Variants in PRPF40B observed in about 807,000 individuals in gnomAD.
The protein encoded by PRPF40B is pre-mRNA processing factor 40B.
Under a neutral mutation model 124.5 loss-of-function variants are expected in PRPF40B, and 56 were observed. The observed-to-expected ratio is 0.45, with a 90% CI of 0.36 to 0.56. The LOEUF (loss-of-function observed/expected upper bound fraction) is 0.56. PRPF40B is among the 20% of genes least tolerant of loss of function. The probability of loss-of-function intolerance (pLI) is 0.00; values close to 1 mark genes in which losing one functional copy is unlikely to be tolerated. For missense variants in PRPF40B, 1,053 were observed against 1,169.5 expected (o/e 0.90, Z 1.45); for synonymous variants, 443 against 426.4 (o/e 1.04, Z -0.48).
At chr12:49,630,886 G>T (rs1163558171) in intron 2 of PRPF40B, among the ~76,000 whole-genome samples, 1 of 152,204 alleles carries the variant, frequency 6.6e-6, no homozygotes, top group Non-Finnish European at 1.5e-5. Flanking sequence ...GAAGGGAAAA[G>T]ACCCCATTAA....
chr12:49,634,982 C>A, intron 12 of PRPF40B, 117 bp from the exon 13 acceptor site: 1 of 1,081,026 alleles, frequency 9.3e-7, no homozygotes, highest in Non-Finnish European at 1.3e-6. Context: ...AGATCCCAGA[C>A]ATCTGTGCCC....
intron 1 of PRPF40B, chr12:49,624,044 T>C (rs887173664): frequency 5.0e-6 from 5 of 993,684 alleles, no homozygotes; most frequent in Non-Finnish European, 6.0e-6. Context: ...CTCAGACCAC[T>C]TGGGGACTCC....
chr12:49,630,713 A>G (rs1037462010), intron 2 of PRPF40B, 88 bp downstream of exon 2: 3 of 656,326 alleles, frequency 4.6e-6, no homozygotes, highest in Non-Finnish European at 8.4e-6. Flanking sequence ...TCACCAGCAC[A>G]GTTTTCCTGT....
chr12:49,642,844 G>A lies in PRPF40B; in HGVS notation c.2119-86G>A. The A allele has an allele frequency of 6.7e-7, 1 of 1,486,592 alleles. No homozygotes were observed. Among genetic ancestry groups the A allele is most frequent in the Non-Finnish European group, 9.2e-7 (1 of 1,088,848 alleles). 92.1% of individuals were successfully genotyped at this position (1,486,592 alleles called of 1,614,324 possible). A position where few individuals can be genotyped will look rare whatever the true frequency, so the allele number is the denominator to read the frequency against. On this transcript the variant is annotated intron_variant, in intron 21 of 25. Coordinates refer to ENST00000548825, the MANE Select transcript of PRPF40B (RefSeq NM_001031698.3). This position sits in a 1 kb window ranked among gnomAD's most constrained non-coding sequence, Gnocchi z 5.8. ...GCAGAAGGCTCTAGTCTGAGAAAGG[G>A]AGGCAAAGCCAGATTTTAGGAAGTA...
Position 49,635,980 on chromosome 12 carries a change from C to A in PRPF40B, c.1413C>A (p.Asp471Glu). 6.2e-7 allele frequency: 1 copy of A among 1,614,126 alleles called. No homozygotes were observed. Among genetic ancestry groups the A allele is most frequent in the Non-Finnish European group, 8.5e-7 (1 of 1,179,996 alleles). ...TGGATAACCCCAGCTTTGCTCAGGA[C>A]CATCAGCTGCAGAGTAAGCCTGGGC... ...YLMDNPSFAQ[D>E]HQLQNMDKED... is the part of the protein sequence containing the mutation. Residue 471 changes from aspartate to glutamate, a missense_variant, in exon 15 of 26, where the codon GAC becomes GAA. By Grantham distance (45) the Asp-to-Glu change is conservative (BLOSUM62 2). Coordinates refer to ENST00000548825, the MANE Select transcript of PRPF40B (RefSeq NM_001031698.3). The surrounding 1 kb of genome is among the most constrained non-coding windows in gnomAD (Gnocchi z 4.1).
Position 49,633,526 on chromosome 12 carries a change from A to G in PRPF40B, c.559A>G (p.Lys187Glu), listed in dbSNP as rs766132488. Reference sequence around the variant, plus strand: ...TAAAGAGTCCCGCTGGACCCGGCCCAAGGATCTGGATGACCTAGAGGGTGA... The same window carrying G: ...TAAAGAGTCCCGCTGGACCCGGCCCGAGGATCTGGATGACCTAGAGGGTGA... ...QSKESRWTRP[K>E]DLDDLEVLVK... Residue 187 changes from lysine (K) to glutamate (E), a missense_variant, in exon 8 of 26, where the codon AAG becomes GAG. By Grantham distance (56) the Lys-to-Glu change is moderately conservative. Around this residue, in one of 2 missense-constraint regions of PRPF40B, gnomAD observed 895 missense variants for 1,052.2 expected, o/e 0.85. Transcript: ENST00000548825. 4 of 1,614,090 alleles carry G rather than the reference A, an allele frequency of 2.5e-6. No individual in the cohort carries two copies. Among genetic ancestry groups the G allele is most frequent in the Non-Finnish European group, 3.4e-6 (4 of 1,180,026 alleles).
In PRPF40B at chr12:49,634,128, C is replaced by T. The variant is rs764477032; in HGVS notation, c.812+36C>T. 1.4e-5 allele frequency: 22 copies of T among 1,600,266 alleles called. 2 individuals carry two copies. The South Asian group carries it at 2.5e-4, about 18-fold the overall frequency. On this transcript the variant is annotated intron_variant, in intron 10 of 25. Coordinates refer to ENST00000548825, the MANE Select transcript of PRPF40B (RefSeq NM_001031698.3). ...CCCCCCATGGCATTCCCAATGTTGG[C>T]CTCAGACTCCCAGCCTGGTTCAACC... is the stretch of plus-strand genomic sequence containing the variant.
At chr12:49,624,436 G>A (rs1198619720) in intron 1 of PRPF40B, among the ~76,000 whole-genome samples, 1 of 152,176 alleles carries the variant, frequency 6.6e-6, no homozygotes, top group East Asian at 1.9e-4. Context: ...GCCTTATCCT[G>A]TTGGAGGGAT....
chr12:49,623,702 C>G, intron 1 of PRPF40B, 109 bp downstream of exon 1: 1 of 981,336 alleles, frequency 1.0e-6, no homozygotes, highest in East Asian at 1.1e-4. Flanking sequence ...AGCTGGGACC[C>G]CGGGGAGGGC....
chr12:49,623,452 C>G (rs1254603187), upstream of PRPF40B: 1 of 954,354 alleles, frequency 1.0e-6, no homozygotes, highest in African/African-American at 1.7e-5. Flanking sequence ...CCCCGCTCGC[C>G]GGCGGGAGCC....
In PRPF40B at chr12:49,633,945, A is replaced by ACCC; in HGVS notation, c.669_671dup (p.Pro225dup). ...CCACAGCCACCTCAGCCACAGCCTG[A>ACCC]CCCCCCACCTGTGCCTCCTGGCCCC... On this transcript the variant is annotated inframe_insertion, in exon 10 of 26. Coordinates refer to ENST00000548825, the MANE Select transcript of PRPF40B (RefSeq NM_001031698.3). 6.2e-7 allele frequency: 1 copy of ACCC among 1,611,840 alleles called. No homozygotes were observed. The highest frequency in any genetic ancestry group is 8.5e-7 in the Non-Finnish European group (1 of 1,179,482).
At position 49,633,904 on chromosome 12, in the gene PRPF40B, G is replaced by A; in HGVS notation, c.624G>A (p.Leu208=). ...TCTGCAGGAAACAGCAGCAGCAGCT[G>A]CCACAGACACTTCAGCCACAGCCAC... ...QEAAGKQQQQ[L]PQTLQPQPPQ... is the part of the protein sequence containing the mutation. The change falls in exon 10 of 26, where the codon CTG becomes CTA. Residue 208 remains leucine, a synonymous_variant. Coordinates refer to ENST00000548825, the MANE Select transcript of PRPF40B (RefSeq NM_001031698.3). 6.2e-7 allele frequency: 1 copy of A among 1,614,098 alleles called. No individual in the cohort carries two copies. Among genetic ancestry groups the A allele is most frequent in the South Asian group, 1.1e-5 (1 of 91,082 alleles).
intron 4 of PRPF40B, 176 bp from the exon 5 acceptor site, chr12:49,632,420 C>T (rs1328831698): frequency 4.3e-6 from 3 of 689,800 alleles, no homozygotes; most frequent in Non-Finnish European, 7.5e-6. Flanking sequence ...TGCGATTCTC[C>T]CTTGGGATCC....
At chr12:49,626,761 G>T (rs566011450) in intron 1 of PRPF40B, among the ~76,000 whole-genome samples, 5 of 152,234 alleles carry the variant, frequency 3.3e-5, no homozygotes, top group African/African-American at 9.6e-5. Context: ...TAACCACTTA[G>T]GTTGCAGGGG....
In PRPF40B at chr12:49,635,251, C is replaced by A. The variant is rs147618846; in HGVS notation, c.1154C>A (p.Thr385Asn). 70 of 1,613,042 alleles carry A rather than the reference C, an allele frequency of 4.3e-5. No individual in the cohort carries two copies. The highest frequency in any genetic ancestry group is 5.3e-5 in the Non-Finnish European group (62 of 1,179,518). Residue 385 changes from threonine to asparagine, a missense_variant, in exon 13 of 26, where the codon ACC becomes AAC. Thr to Asn is a moderately conservative substitution (Grantham distance 65, BLOSUM62 0). Transcript: ENST00000548825. This position sits in a 1 kb window ranked among gnomAD's most constrained non-coding sequence, Gnocchi z 4.1. The stretch of plus-strand genomic sequence containing the variant: ...GAGCAGCATGAACGCATGACCTCCA[C>A]CACCCGCTACCGGTCAGGGGGCCAG... ...FLEQHERMTS[T>N]TRYRRAEQTF... is the part of the protein sequence containing the mutation.
rs745435036 is a variant in PRPF40B, at chr12:49,633,964, T to C, written c.684T>C (p.Pro228=). The C allele has an allele frequency of 6.2e-7, 1 of 1,614,200 alleles. No homozygotes were observed. The highest frequency in any genetic ancestry group is 1.1e-5 in the South Asian group (1 of 91,086). The change falls in exon 10 of 26, where the codon CCT becomes CCC. Residue 228 remains proline, a synonymous_variant. Transcript: ENST00000548825. Reference sequence around the variant, plus strand: ...AGCCTGACCCCCCACCTGTGCCTCCTGGCCCCACCCCAGTGCCCACAGGCC... The same window carrying C: ...AGCCTGACCCCCCACCTGTGCCTCCCGGCCCCACCCCAGTGCCCACAGGCC... ...QPQPDPPPVP[P]GPTPVPTGLL...
intron 4 of PRPF40B, 192 bp from the exon 5 acceptor site, chr12:49,632,404 C>T (rs955359572): frequency 1.5e-6 from 1 of 647,586 alleles, no homozygotes; most frequent in African/African-American, 1.8e-5. Flanking sequence ...AAGAATGGAG[C>T]TGCTATGCGA....
At chr12:49,633,605 GTGA>G (rs1565831404) in intron 8 of PRPF40B, 29 bp from the exon 9 acceptor site, 1 of 1,614,120 alleles carries the variant, frequency 6.2e-7, no homozygotes, top group Non-Finnish European at 8.5e-7. Flanking sequence ...TATTGCCCCT[GTGA>G]CTGACTGTGT....
chr12:49,623,417 A>C, upstream of PRPF40B: 2 of 443,084 alleles, frequency 4.5e-6, no homozygotes, highest in Non-Finnish European at 6.8e-6. Context: ...CGGGGCCGGG[A>C]CCGAACACAC....
Sources: gnomAD v4.1 joint callset for allele counts (sites outside exome capture counted in the v4.1 genomes callset) on GRCh38, gnomAD v4.1.1 for gene constraint, gnomAD v4.1.1 regional missense constraint, Gnocchi (gnomAD v3.1) non-coding constraint, MANE v1.5 for transcripts, NCBI Gene and HGNC (gene_info 2026-07-23, HGNC 2026-07-21) for gene names.